The following SEMA4F variants were observed in gnomAD, a reference collection of about 807,000 sequenced individuals.
The protein encoded by SEMA4F is semaphorin-4F.
SEMA4F carries 51 observed loss-of-function variants against 78.4 expected under a neutral mutation model. The ratio of observed to expected loss-of-function variants is 0.65; its 90% CI spans 0.52 to 0.82. The LOEUF (loss-of-function observed/expected upper bound fraction) is 0.82, where lower values mean the gene tolerates loss of function less well. Ranked by LOEUF, SEMA4F falls within the 40% of genes least tolerant of loss-of-function variation. SEMA4F has a pLI of 0.00. For missense variants in SEMA4F, 938 were observed against 1,014.4 expected, an observed-to-expected ratio of 0.92 and a Z score of 1.02; for synonymous variants, 418 against 408.7, an observed-to-expected ratio of 1.02 and a Z score of -0.27.
chr2:74,670,996 G>A (rs205649), intron 5 of SEMA4F, among the ~76,000 whole-genome samples: 144,207 of 150,944 alleles, frequency 0.96, 68,740 homozygotes, highest in East Asian at 1. Flanking sequence ...AGGTCTCTTT[G>A]TTTATCTTAT....
chr2:74,709,397 G>T, the SEMA4F span, among the ~76,000 whole-genome samples: 1 of 152,318 alleles, frequency 6.6e-6, no homozygotes, highest in East Asian at 1.9e-4. Context: ...ATAAAAGGGA[G>T]ATTGCCTAGC....
At chr2:74,662,643 G>C in intron 4 of SEMA4F, 89 bp from the exon 5 acceptor site, 1 of 1,050,842 alleles carries the variant, frequency 9.5e-7, no homozygotes, top group Non-Finnish European at 1.5e-6. Context: ...AATGGGAATT[G>C]ACCTTTTCCT....
intron 5 of SEMA4F, among the ~76,000 whole-genome samples, chr2:74,669,854 C>A (rs1231197145): frequency 6.6e-6 from 1 of 150,544 alleles, no homozygotes; most frequent in African/African-American, 2.4e-5. Context: ...CTTTCAATGT[C>A]TTTTTTTTTG....
At chr2:74,696,991 A>G in the SEMA4F span, among the ~76,000 whole-genome samples, 52 of 152,354 alleles carry the variant, frequency 3.4e-4, no homozygotes, top group African/African-American at 1.2e-3. Context: ...ATAAGAATGT[A>G]TATCTGTGGA....
intron 7 of SEMA4F, among the ~76,000 whole-genome samples, chr2:74,674,292 T>C (rs916995221): frequency 2.6e-5 from 4 of 152,206 alleles, no homozygotes; most frequent in Non-Finnish European, 4.4e-5. Context: ...ACTTAGTCAC[T>C]GTCATTGTTA....
At chr2:74,675,479 A>G (rs1685224223) in intron 10 of SEMA4F, 46 bp from the exon 11 acceptor site, 3 of 1,599,598 alleles carry the variant, frequency 1.9e-6, no homozygotes, top group South Asian at 2.2e-5. Context: ...AGTCCCAGGC[A>G]CAGGGGCAAT....
chr2:74,673,343 G>A, intron 5 of SEMA4F, 114 bp from the exon 6 acceptor site: 1 of 1,263,870 alleles, frequency 7.9e-7, no homozygotes, highest in South Asian at 1.4e-5. Flanking sequence ...TGGCACTCAT[G>A]GGTGTTTAGT....
chr2:74,656,457 G>A (rs1325996713), intron 1 of SEMA4F, 77 bp from the exon 2 acceptor site: 9 of 1,459,486 alleles, frequency 6.2e-6, no homozygotes, highest in Non-Finnish European at 1.9e-6. Flanking sequence ...AACAAAAATT[G>A]GCCCCTTTGG....
At chr2:74,674,401 C>G (rs1016292552) in intron 7 of SEMA4F, 97 bp from the exon 8 acceptor site, 7 of 1,102,662 alleles carry the variant, frequency 6.3e-6, no homozygotes, top group African/African-American at 1.6e-5. Context: ...ATCTGTCTGT[C>G]TGCCCTGAAG....
intron 12 of SEMA4F, among the ~76,000 whole-genome samples, chr2:74,678,462 A>T (rs1056164545): frequency 1.3e-5 from 2 of 152,216 alleles, no homozygotes; most frequent in Admixed American, 1.3e-4. Context: ...CTATTTATTC[A>T]TACCAGTCTT....
chr2:74,675,238 G>T lies in SEMA4F; in HGVS notation c.1226G>T (p.Arg409Leu). 1 of 1,614,120 alleles carries T rather than the reference G, an allele frequency of 6.2e-7. No homozygotes were observed. Among genetic ancestry groups the T allele is most frequent in the Non-Finnish European group, 8.5e-7 (1 of 1,180,018 alleles). Residue 409 changes from arginine (R) to leucine (L), a missense_variant, in exon 10 of 14, where the codon CGG (arginine) becomes CTG (leucine). Physicochemically the swap from Arg to Leu is moderately radical, Grantham distance 102. Transcript: ENST00000357877. ...SLPDRVLTFIRDHPLMDRPVF... is the reference protein window; with the variant it reads ...SLPDRVLTFILDHPLMDRPVF... ...CCTGACCGCGTACTCACCTTCATCC[G>T]GGACCACCCACTCATGGACAGGCCA...
the SEMA4F span, among the ~76,000 whole-genome samples, chr2:74,689,276 T>C: frequency 2.0e-5 from 3 of 152,090 alleles, no homozygotes; most frequent in Non-Finnish European, 4.4e-5. Flanking sequence ...AAATTTTACA[T>C]AATAAAACAC....
At chr2:74,687,054 C>T (rs1573280177), downstream of SEMA4F, among the ~76,000 whole-genome samples, 1 of 152,298 alleles carries the variant, frequency 6.6e-6, no homozygotes, top group East Asian at 1.9e-4. Flanking sequence ...CTTCCTATCA[C>T]TTCCCGTTAC....
In SEMA4F at chr2:74,681,948, A is replaced by AGG. The variant is rs1685638242; in HGVS notation, c.*1741_*1742dup. 6.6e-6 allele frequency: 1 copy of AGG among 152,646 alleles called. No individual in the cohort carries two copies. Among genetic ancestry groups the AGG allele is most frequent in the Non-Finnish European group, 1.5e-5 (1 of 68,040 alleles). 9.5% of individuals were successfully genotyped at this position (152,646 alleles called of 1,614,324 possible). A position where few individuals can be genotyped will look rare whatever the true frequency, so the allele number is the denominator to read the frequency against. ...TGATCTTCGGCAAGTAACCTAACCT[A>AGG]GGGACATCAGTTTACTCATCTGCGA... is the stretch of plus-strand genomic sequence containing the variant. On this transcript the variant is annotated 3_prime_UTR_variant, in exon 14 of 14. Transcript: ENST00000357877.
At chr2:74,659,156 C>G (rs141986226) in intron 4 of SEMA4F, among the ~76,000 whole-genome samples, 16 of 152,306 alleles carry the variant, frequency 1.1e-4, no homozygotes, top group Non-Finnish European at 1.9e-4. Flanking sequence ...GTGAAAATCT[C>G]TGTATTCCCT....
At chr2:74,673,949 GAC>G in intron 7 of SEMA4F, 121 bp downstream of exon 7, 1 of 1,216,086 alleles carries the variant, frequency 8.2e-7, no homozygotes, top group South Asian at 1.5e-5. Context: ...TCTCTGCCTT[GAC>G]TTCTCTTCTG....
rs1184155543 is a variant in SEMA4F at position 74,666,143 on chromosome 2, T to C, written c.550+3318T>C. Among the ~76,000 whole-genome samples the C allele has an allele frequency of 2.6e-5, 4 of 152,170 alleles. No homozygotes were observed. The East Asian group carries it at 7.7e-4, about 29-fold the overall frequency. ...GGCTGGTCTCAAACTCCTGACCTCA[T>C]GATCTGCCTGCCTCGGCCTCTTAAA... On this transcript the variant is annotated intron_variant, in intron 5 of 13. Transcript: ENST00000357877.
intron 2 of SEMA4F, 132 bp downstream of exon 2, chr2:74,656,817 G>A (rs763788971): frequency 9.5e-6 from 9 of 946,532 alleles, no homozygotes; most frequent in Non-Finnish European, 1.4e-5. Flanking sequence ...GGGTGAGTTG[G>A]GAGACATGGG....
chr2:74,663,280 A>C (rs1464122987), intron 5 of SEMA4F, among the ~76,000 whole-genome samples: 3 of 152,230 alleles, frequency 2.0e-5, no homozygotes, highest in Admixed American at 1.3e-4. Context: ...GTGGCTATAG[A>C]GCCCTTGAAA....
Sources: gnomAD v4.1 joint callset for allele counts (sites outside exome capture counted in the v4.1 genomes callset) on GRCh38, gnomAD v4.1.1 for gene constraint, MANE v1.5 for transcripts, NCBI Gene and HGNC (gene_info 2026-07-23, HGNC 2026-07-21) for gene names.